Variants in MIA2 observed in about 807,000 individuals in gnomAD.
The protein encoded by MIA2 is MIA SH3 domain ER export factor 2.
In MIA2, 127 loss-of-function variants were observed where a neutral mutation model predicts 167.8. The observed-to-expected ratio is 0.76, with a 90% CI of 0.66 to 0.88. MIA2 has a LOEUF of 0.88. MIA2 is among the 40% of genes least tolerant of loss of function. The pLI is 0.00. For synonymous variants in MIA2, 552 were observed against 541.9 expected (o/e 1.02, Z -0.26); for missense variants, 1,690 against 1,624.7 (o/e 1.04, Z -0.69).
rs919254379 is a variant in MIA2 at position 39,247,208 on chromosome 14, G to A, written c.634G>A (p.Val212Met). 4 of 1,614,148 alleles carry A rather than the reference G, an allele frequency of 2.5e-6. No homozygotes were observed. The highest frequency in any genetic ancestry group is 2.2e-5 in the East Asian group (1 of 44,870). The change falls in exon 4 of 29, where the codon GTG becomes ATG. Residue 212 changes from valine (V) to methionine (M), a missense_variant. Physicochemically the swap from Val to Met is conservative, Grantham distance 21 (BLOSUM62 1). Coordinates refer to ENST00000640607, the MANE Select transcript of MIA2 (RefSeq NM_001329214.4). ...ESMEQDRIPE[V>M]HVPPSSAVSG... The stretch of plus-strand genomic sequence containing the variant: ...TATGGAACAGGATCGTATTCCAGAA[G>A]TGCATGTCCCACCATCTTCAGCTGT...
At chr14:39,297,944 C>T (rs111792322) in intron 13 of MIA2, among the ~76,000 whole-genome samples, 5 of 152,122 alleles carry the variant, frequency 3.3e-5, no homozygotes, top group South Asian at 4.2e-4. Flanking sequence ...TAAGTTCTCT[C>T]TAGTTGGTTG....
At chr14:39,267,480 C>T (rs751171248) in intron 6 of MIA2, 6 of 1,613,158 alleles carry the variant, frequency 3.7e-6, no homozygotes, top group South Asian at 2.2e-5. Context: ...CCGGGGTTAC[C>T]CCTCAACCGT....
Position 39,294,990 on chromosome 14 carries a change from T to C in MIA2, c.2457T>C (p.Ala819=), listed in dbSNP as rs2061228495. Residue 819 remains alanine, a synonymous_variant, in exon 13 of 29, where the codon GCT becomes GCC. Transcript: ENST00000640607. ...GACTGAAGATAGCAATAAAAGATGC[T>C]TTGAATGAAAATTCTCAACTTCAGG... ...EERLKIAIKD[A]LNENSQLQES... 3 of 1,613,924 alleles carry C rather than the reference T, an allele frequency of 1.9e-6. No homozygotes were observed. The highest frequency in any genetic ancestry group is 2.5e-6 in the Non-Finnish European group (3 of 1,179,806).
chr14:39,325,386 G>A (rs920955495), intron 24 of MIA2, among the ~76,000 whole-genome samples: 2 of 56,560 alleles, frequency 3.5e-5, no homozygotes, highest in African/African-American at 1.3e-4. Context: ...TTTTTTTTTT[G>A]AGATGGAGTC....
At chr14:39,312,530 A>G (rs1304798288) in intron 18 of MIA2, among the ~76,000 whole-genome samples, 1 of 152,198 alleles carries the variant, frequency 6.6e-6, no homozygotes, top group African/African-American at 2.4e-5. Context: ...AGGACTCCAA[A>G]TGTGTTTTCC....
intron 6 of MIA2, among the ~76,000 whole-genome samples, chr14:39,276,042 G>T (rs1387444867): frequency 2.0e-5 from 3 of 152,174 alleles, no homozygotes; most frequent in African/African-American, 4.8e-5. Flanking sequence ...AGCCTGAAAA[G>T]AATCAAACCC....
chr14:39,375,340 A>G (rs763201677), intron 23 of MIA2, among the ~76,000 whole-genome samples: 4 of 152,190 alleles, frequency 2.6e-5, no homozygotes, highest in Non-Finnish European at 5.9e-5. Flanking sequence ...AGTTTTTGCC[A>G]TGTTAAATTC....
At chr14:39,313,532 A>G in intron 19 of MIA2, 91 bp downstream of exon 19, 3 of 718,126 alleles carry the variant, frequency 4.2e-6, no homozygotes, top group South Asian at 4.0e-5. Context: ...AAATGAAAAT[A>G]GAAAACATTT....
At chr14:39,295,075 A>T (rs1187650773) in intron 13 of MIA2, 46 bp downstream of exon 13, 1 of 1,304,378 alleles carries the variant, frequency 7.7e-7, no homozygotes, top group East Asian at 2.3e-5. Context: ...ATGTAATTAT[A>T]GATGTTCTTG....
Position 39,288,446 on chromosome 14 carries a change from TATATATATATATATATATATATA to T in MIA2, c.2131-2572_2131-2550del, listed in dbSNP as rs1566746460. ...TATATATTATACATATATATATATA[TATATATATATATATATATATATA>T]TATATATTTTTTTTTTTTTTTTTGA... On this transcript the variant is annotated intron_variant, in intron 9 of 28. Coordinates refer to ENST00000640607, the MANE Select transcript of MIA2 (RefSeq NM_001329214.4). 3.4e-3 allele frequency among the ~76,000 whole-genome samples: 96 copies of T among 28,068 alleles called. 3 individuals are homozygous for T. The highest frequency in any genetic ancestry group is 5.2e-3 in the South Asian group (5 of 960). 18.4% of individuals were successfully genotyped at this position (28,068 alleles called of 152,430 possible).
chr14:39,290,633 G>C (rs2060606555), intron 9 of MIA2, among the ~76,000 whole-genome samples: 1 of 151,968 alleles, frequency 6.6e-6, no homozygotes, highest in Admixed American at 6.6e-5. Flanking sequence ...ACTTGTTTGG[G>C]GCATAATTAG....
At chr14:39,290,912 T>C (rs1251950549) in intron 9 of MIA2, 107 bp from the exon 10 acceptor site, 1 of 1,011,416 alleles carries the variant, frequency 9.9e-7, no homozygotes. Flanking sequence ...CAAGTAAATT[T>C]AATGTATTAT....
At chr14:39,240,234 T>G (rs2053978640) in intron 2 of MIA2, among the ~76,000 whole-genome samples, 1 of 152,158 alleles carries the variant, frequency 6.6e-6, no homozygotes, top group Non-Finnish European at 1.5e-5. Context: ...ATATCCCAGG[T>G]CTACTAGTGT....
chr14:39,278,917 T>C (rs1304235116), intron 7 of MIA2, among the ~76,000 whole-genome samples: 2 of 152,190 alleles, frequency 1.3e-5, no homozygotes, highest in East Asian at 3.9e-4. Flanking sequence ...TCCCAGCACT[T>C]TGGGGGACCC....
chr14:39,386,507 G>T, intron 23 of MIA2: 1 of 1,436,896 alleles, frequency 7.0e-7, no homozygotes, highest in Non-Finnish European at 9.6e-7. Flanking sequence ...GGGATTCTTG[G>T]CCTTTTTTTT....
chr14:39,305,047 T>G (rs1212294778), intron 17 of MIA2, among the ~76,000 whole-genome samples: 1 of 152,196 alleles, frequency 6.6e-6, no homozygotes, highest in Non-Finnish European at 1.5e-5. Context: ...AATGATTATC[T>G]CTGAATATGG....
chr14:39,328,674 C>G (rs1361823472), intron 25 of MIA2, among the ~76,000 whole-genome samples: 1 of 152,008 alleles, frequency 6.6e-6, no homozygotes, highest in African/African-American at 2.4e-5. Context: ...AGTTTCAGTT[C>G]TCTGCATAAG....
intron 23 of MIA2, among the ~76,000 whole-genome samples, chr14:39,385,034 T>C (rs1181512454): frequency 1.3e-5 from 2 of 152,206 alleles, no homozygotes; most frequent in Non-Finnish European, 2.9e-5. Flanking sequence ...TTTCTAAATG[T>C]TACTTAAAAC....
intron 25 of MIA2, among the ~76,000 whole-genome samples, chr14:39,333,886 C>T (rs555665362): frequency 1.3e-5 from 2 of 152,234 alleles, no homozygotes; most frequent in South Asian, 4.1e-4. Flanking sequence ...AGATATGGTC[C>T]ATTCTACAGA....
Sources: allele counts gnomAD v4.1 joint callset (sites outside exome capture counted in the v4.1 genomes callset), GRCh38; gene constraint gnomAD v4.1.1; transcripts MANE v1.5; gene names NCBI Gene and HGNC (gene_info 2026-07-23, HGNC 2026-07-21).